C12orf42: variants seen among roughly 807,000 people sequenced by gnomAD.
C12orf42 encodes uncharacterized protein C12orf42.
In C12orf42, 25 loss-of-function variants were observed where a neutral mutation model predicts 21.6. That is an observed-to-expected ratio of 1.16 (90% CI 0.84 to 1.62). C12orf42 has a LOEUF of 1.62. Ranked by LOEUF, C12orf42 falls within the 40% of genes most tolerant of loss-of-function variation. The pLI is 0.00. For synonymous variants in C12orf42, 174 were observed against 175.0 expected (o/e 0.99, Z 0.05); for missense variants, 483 against 459.3 (o/e 1.05, Z -0.47).
At chr12:103,311,247 A>G (rs2038943900) in intron 4 of C12orf42, among the ~76,000 whole-genome samples, 1 of 151,990 alleles carries the variant, frequency 6.6e-6, no homozygotes, top group Admixed American at 6.6e-5. Flanking sequence ...AATAATTAAT[A>G]AGCCACTAGG....
the C12orf42 span, among the ~76,000 whole-genome samples, chr12:103,116,583 C>T: frequency 6.6e-6 from 1 of 151,998 alleles, no homozygotes; most frequent in Non-Finnish European, 1.5e-5. Context: ...AGTGAGTATT[C>T]ATTGTGTACT....
chr12:103,328,753 G>A (rs1260279894), intron 4 of C12orf42, among the ~76,000 whole-genome samples: 1 of 152,198 alleles, frequency 6.6e-6, no homozygotes, highest in African/African-American at 2.4e-5. Flanking sequence ...CCAGGAGTAT[G>A]CAAGCCATGT....
the C12orf42 span, among the ~76,000 whole-genome samples, chr12:103,502,686 G>A: frequency 2.0e-5 from 3 of 152,206 alleles, no homozygotes; most frequent in African/African-American, 7.2e-5. Context: ...ACTCTCCATC[G>A]CATCCCTTGA....
chr12:103,218,947 C>T, the C12orf42 span, among the ~76,000 whole-genome samples: 14 of 152,204 alleles, frequency 9.2e-5, no homozygotes, highest in Non-Finnish European at 1.8e-4. Flanking sequence ...CAGGTGTCTA[C>T]ACCACCAGGG....
At chr12:103,349,500 A>G (rs2042926791) in intron 4 of C12orf42, among the ~76,000 whole-genome samples, 1 of 152,182 alleles carries the variant, frequency 6.6e-6, no homozygotes, top group South Asian at 2.1e-4. Flanking sequence ...GATAATTCAA[A>G]CCAAAAGAGT....
intron 3 of C12orf42, among the ~76,000 whole-genome samples, chr12:103,392,042 G>A (rs2047125355): frequency 1.3e-5 from 2 of 152,088 alleles, no homozygotes; most frequent in African/African-American, 2.4e-5. Flanking sequence ...CCTTTTGCAT[G>A]TGAATATCTA....
At chr12:103,054,866 G>C in the C12orf42 span, among the ~76,000 whole-genome samples, 4 of 151,902 alleles carry the variant, frequency 2.6e-5, no homozygotes, top group South Asian at 8.3e-4. Context: ...TAATAATTTG[G>C]GGTTATACTG....
chr12:103,352,546 GTGGGC>G (rs2137490490), intron 4 of C12orf42, among the ~76,000 whole-genome samples: 1 of 152,206 alleles, frequency 6.6e-6, no homozygotes, highest in Admixed American at 6.5e-5. Context: ...AACAGCAACT[GTGGGC>G]TGAAACAGGA....
the C12orf42 span, among the ~76,000 whole-genome samples, chr12:103,151,517 T>G: frequency 6.6e-6 from 1 of 152,194 alleles, no homozygotes; most frequent in South Asian, 2.1e-4. Context: ...CTGCCATTTA[T>G]AGTTCAAGTA....
chr12:103,101,494 T>C, the C12orf42 span, among the ~76,000 whole-genome samples: 5 of 152,316 alleles, frequency 3.3e-5, 1 homozygote, highest in Admixed American at 3.3e-4. Flanking sequence ...AATTGACATC[T>C]TGTTCAGAAA....
At chr12:103,560,793 C>G in the C12orf42 span, among the ~76,000 whole-genome samples, 1 of 152,132 alleles carries the variant, frequency 6.6e-6, no homozygotes, top group African/African-American at 2.4e-5. Flanking sequence ...AGAGTGCATA[C>G]CCTCTTAGTC....
the C12orf42 span, among the ~76,000 whole-genome samples, chr12:103,194,120 A>G: frequency 7.0e-6 from 1 of 142,150 alleles, no homozygotes; most frequent in Non-Finnish European, 1.6e-5. Context: ...AAAAAAGTTA[A>G]CATCTCATGC....
At chr12:103,192,807 A>G in the C12orf42 span, among the ~76,000 whole-genome samples, 1 of 152,228 alleles carries the variant, frequency 6.6e-6, no homozygotes, top group South Asian at 2.1e-4. Context: ...AAAGACTTCA[A>G]TATCCCCCTT....
At chr12:103,326,536 C>T (rs774136949) in intron 4 of C12orf42, among the ~76,000 whole-genome samples, 21 of 152,170 alleles carry the variant, frequency 1.4e-4, no homozygotes, top group Non-Finnish European at 2.9e-4. Context: ...TACTTACATA[C>T]CTTACCACCC....
At chr12:103,524,790 C>A in the C12orf42 span, among the ~76,000 whole-genome samples, 2 of 152,142 alleles carry the variant, frequency 1.3e-5, no homozygotes, top group African/African-American at 4.8e-5. Context: ...TTACAGGACA[C>A]CTCCAGGAAG....
At chr12:103,241,500 G>A (rs756482659) in intron 10 of C12orf42, among the ~76,000 whole-genome samples, 3 of 152,154 alleles carry the variant, frequency 2.0e-5, no homozygotes, top group Non-Finnish European at 2.9e-5. Flanking sequence ...TATAAAAGTG[G>A]AGGAGTAGAA....
chr12:103,544,381 C>A, the C12orf42 span, among the ~76,000 whole-genome samples: 5 of 152,204 alleles, frequency 3.3e-5, no homozygotes, highest in Admixed American at 3.3e-4. Flanking sequence ...AGTTCTGTTA[C>A]AATTGCCATT....
chr12:103,478,399 T>A lies in C12orf42; in HGVS notation c.28A>T (p.Arg10Trp). ...ATGGTTAGCAAGAATTCTTCTTCCC[T>A]TTGTTTCATACATATCACTGTAGAC... MSTVICMKQREEEFLLTIRP... is the reference protein window; with the variant it reads MSTVICMKQWEEEFLLTIRP... The change falls in exon 2 of 6, where the codon AGG (arginine) becomes TGG (tryptophan). Residue 10 changes from arginine to tryptophan, a missense_variant. Transcript: ENST00000548883. 6.3e-7 allele frequency: 1 copy of A among 1,599,652 alleles called. No homozygotes were observed. Among genetic ancestry groups the A allele is most frequent in the South Asian group, 1.1e-5 (1 of 89,082 alleles).
At chr12:103,294,598 A>AAGAAAGAAAG (rs2037103269) in intron 4 of C12orf42, among the ~76,000 whole-genome samples, 1 of 138,826 alleles carries the variant, frequency 7.2e-6, no homozygotes, top group African/African-American at 2.8e-5. Flanking sequence ...GAAAGAAAGA[A>AAGAAAGAAAG]AGAAAGAAAG....
Sources: gnomAD v4.1 joint callset for allele counts (sites outside exome capture counted in the v4.1 genomes callset) on GRCh38, gnomAD v4.1.1 for gene constraint, MANE v1.5 for transcripts, NCBI Gene and HGNC (gene_info 2026-07-23, HGNC 2026-07-21) for gene names.